CEP128: variants seen among roughly 807,000 people sequenced by gnomAD.
The protein encoded by CEP128 is centrosomal protein 128.
A neutral mutation model predicts 156.7 loss-of-function variants in CEP128; 132 were observed. The observed-to-expected ratio is 0.84, with a 90% CI of 0.73 to 0.97. The LOEUF is 0.97. Among genes scored for constraint, CEP128 ranks in the 50% least tolerant of loss-of-function variants. The pLI, the probability that CEP128 is intolerant of heterozygous loss-of-function variation, is 0.00. For synonymous variants in CEP128, 469 were observed against 448.9 expected (o/e 1.04, Z -0.57); for missense variants, 1,252 against 1,281.9 (o/e 0.98, Z 0.36).
chr14:80,955,954 G>A, intron 2 of CEP128: 2 of 1,378,294 alleles, frequency 1.5e-6, no homozygotes, highest in Non-Finnish European at 2.0e-6. Context: ...GAAGTAGTGT[G>A]TGAGTGTGTG....
intron 19 of CEP128, among the ~76,000 whole-genome samples, chr14:80,648,776 C>T (rs1305353413): frequency 6.6e-6 from 1 of 151,890 alleles, no homozygotes; most frequent in Admixed American, 6.6e-5. Flanking sequence ...GCAAAGTGTA[C>T]CAAACACTAA....
chr14:80,743,342 A>G, intron 18 of CEP128, 75 bp from the exon 19 acceptor site: 1 of 1,176,686 alleles, frequency 8.5e-7, no homozygotes, highest in Middle Eastern at 2.8e-4. Flanking sequence ...GAAGAAAAAA[A>G]TAAGTAACAT....
intron 13 of CEP128, chr14:80,822,447 G>A (rs1049886546): frequency 1.4e-5 from 7 of 500,758 alleles, no homozygotes; most frequent in South Asian, 4.8e-5. Flanking sequence ...TGAAGAAGAG[G>A]CGAGAACGAA....
At chr14:80,798,884 G>A (rs1883656106) in intron 13 of CEP128, among the ~76,000 whole-genome samples, 2 of 152,160 alleles carry the variant, frequency 1.3e-5, no homozygotes, top group African/African-American at 4.8e-5. Flanking sequence ...TGGGCACCTT[G>A]GTGAACATTT....
chr14:80,719,120 A>G (rs1897717875), intron 19 of CEP128, among the ~76,000 whole-genome samples: 1 of 152,154 alleles, frequency 6.6e-6, no homozygotes, highest in African/African-American at 2.4e-5. Flanking sequence ...CACCAGTGCA[A>G]TGACAGTTTA....
At chr14:80,862,210 T>C (rs941893353) in intron 9 of CEP128, among the ~76,000 whole-genome samples, 2 of 152,198 alleles carry the variant, frequency 1.3e-5, no homozygotes, top group African/African-American at 4.8e-5. Flanking sequence ...CCATATATAC[T>C]TGTGGGCTAC....
At chr14:80,781,521 G>A (rs1216676295) in intron 15 of CEP128, among the ~76,000 whole-genome samples, 1 of 151,468 alleles carries the variant, frequency 6.6e-6, no homozygotes, top group East Asian at 1.9e-4. Context: ...AAGGGGGGCT[G>A]GGCTGGAGTG....
intron 2 of CEP128, among the ~76,000 whole-genome samples, chr14:80,927,863 T>C (rs1449722411): frequency 6.6e-6 from 1 of 152,160 alleles, no homozygotes; most frequent in East Asian, 1.9e-4. Flanking sequence ...AAATTTTAAG[T>C]GCATACCTCT....
At chr14:80,957,041 C>T (rs1454100216) in intron 2 of CEP128, among the ~76,000 whole-genome samples, 8 of 152,176 alleles carry the variant, frequency 5.3e-5, no homozygotes, top group Admixed American at 5.2e-4. Context: ...TCAAGTCTTT[C>T]CAACCTCATT....
chr14:80,890,516 T>C (rs4903945), intron 8 of CEP128, among the ~76,000 whole-genome samples: 75,079 of 151,792 alleles, frequency 0.49, 19,061 homozygotes, highest in African/African-American at 0.57. Context: ...CTCAGCAAAC[T>C]AACACAGGAA....
At chr14:80,727,725 T>C (rs1316022133) in intron 19 of CEP128, among the ~76,000 whole-genome samples, 1 of 152,072 alleles carries the variant, frequency 6.6e-6, no homozygotes, top group Non-Finnish European at 1.5e-5. Flanking sequence ...AACAGATACT[T>C]CTCAAAGGAA....
At chr14:80,782,146 T>A (rs998537102) in intron 15 of CEP128, among the ~76,000 whole-genome samples, 2 of 152,226 alleles carry the variant, frequency 1.3e-5, no homozygotes, top group Non-Finnish European at 2.9e-5. Context: ...AACAGCTGAC[T>A]GACCAGTCAC....
chr14:80,877,876 C>T (rs1888357287), intron 8 of CEP128, among the ~76,000 whole-genome samples: 1 of 152,082 alleles, frequency 6.6e-6, no homozygotes, highest in Non-Finnish European at 1.5e-5. Context: ...CAATACCCAC[C>T]CCCCACCGCA....
intron 10 of CEP128, among the ~76,000 whole-genome samples, chr14:80,839,348 C>A (rs1886240647): frequency 6.6e-6 from 1 of 152,168 alleles, no homozygotes; most frequent in Non-Finnish European, 1.5e-5. Flanking sequence ...TGAACAACTG[C>A]TATCTGTATA....
chr14:80,494,421 T>G (rs551698243), downstream of CEP128, among the ~76,000 whole-genome samples: 2 of 152,200 alleles, frequency 1.3e-5, no homozygotes, highest in Non-Finnish European at 2.9e-5. Context: ...TACCATAGGA[T>G]GTGTAGTTGC....
rs369619443 is a variant in CEP128, at chr14:80,484,960, T to C, written c.*311-6553A>G. Among the ~76,000 whole-genome samples the C allele has an allele frequency of 6.0e-4, 91 of 152,196 alleles. 3 individuals carry two copies. In the South Asian group the frequency reaches 0.018, roughly 30 times the overall value. On this transcript the variant is annotated intron_variant and NMD_transcript_variant, in intron 14 of 14. Coordinates refer to the CEP128 transcript ENST00000554502. ...AAAGGGTAGAGAAATCTGACCTCAATTGTGGGCATTGGTGTGAGAAATAAC... is the reference window on the plus strand; with the variant it reads ...AAAGGGTAGAGAAATCTGACCTCAACTGTGGGCATTGGTGTGAGAAATAAC...
At chr14:80,816,641 T>C (rs896287475) in intron 13 of CEP128, among the ~76,000 whole-genome samples, 9 of 152,122 alleles carry the variant, frequency 5.9e-5, no homozygotes, top group Non-Finnish European at 1.5e-5. Flanking sequence ...GGAGAGGCCT[T>C]ATGAACAGAG....
intron 20 of CEP128, among the ~76,000 whole-genome samples, chr14:80,559,688 C>T (rs1362156144): frequency 1.3e-5 from 2 of 152,182 alleles, no homozygotes; most frequent in African/African-American, 4.8e-5. Context: ...CATATTCTAG[C>T]TCTTAATTAG....
intron 13 of CEP128, among the ~76,000 whole-genome samples, chr14:80,819,973 CA>C (rs1234131660): frequency 6.6e-6 from 1 of 152,014 alleles, no homozygotes; most frequent in Non-Finnish European, 1.5e-5. Context: ...ATAATCTAAT[CA>C]GACACAAAGA....
Sources: allele counts gnomAD v4.1 joint callset (sites outside exome capture counted in the v4.1 genomes callset), GRCh38; gene constraint gnomAD v4.1.1; transcripts MANE v1.5; gene names NCBI Gene and HGNC (gene_info 2026-07-23, HGNC 2026-07-21).